The following ANKRD62 variants were observed in gnomAD, a reference collection of about 807,000 sequenced individuals.
The protein encoded by ANKRD62 is ankyrin repeat domain 62, also known as ankyrin repeat domain-containing protein 62.
Under a neutral mutation model 98.8 loss-of-function variants are expected in ANKRD62, and 61 were observed. That is an observed-to-expected ratio of 0.62 (90% CI 0.50 to 0.76). The LOEUF is 0.76. ANKRD62 is among the 30% of genes least tolerant of loss of function. The probability of loss-of-function intolerance (pLI) is 0.00; values close to 1 mark genes in which losing one functional copy is unlikely to be tolerated. For missense variants in ANKRD62, 933 were observed against 1,082.9 expected (o/e 0.86, Z 1.94); for synonymous variants, 341 against 367.9 (o/e 0.93, Z 0.84).
At chr18:12,174,960 T>G in the ANKRD62 span, among the ~76,000 whole-genome samples, 5 of 152,256 alleles carry the variant, frequency 3.3e-5, no homozygotes, top group Admixed American at 6.5e-5. Context: ...ACAGCAGGAT[T>G]CTCATTTGCA....
At chr18:12,107,041 C>T (rs1909428928) in intron 7 of ANKRD62, among the ~76,000 whole-genome samples, 2 of 151,932 alleles carry the variant, frequency 1.3e-5, no homozygotes, top group Admixed American at 1.3e-4. Flanking sequence ...AATAAAAGCA[C>T]AAATTTGGAA....
chr18:12,152,849 G>A, the ANKRD62 span, among the ~76,000 whole-genome samples: 559 of 152,276 alleles, frequency 3.7e-3, 3 homozygotes, highest in Middle Eastern at 0.014. Context: ...AGCCGAGATC[G>A]TGCCATTGCC....
At chr18:12,166,171 A>G in the ANKRD62 span, among the ~76,000 whole-genome samples, 15 of 152,116 alleles carry the variant, frequency 9.9e-5, no homozygotes, top group South Asian at 1.2e-3. Flanking sequence ...TTGGATGTTG[A>G]TATCTTTTCC....
At chr18:12,177,625 A>G in the ANKRD62 span, among the ~76,000 whole-genome samples, 5 of 151,922 alleles carry the variant, frequency 3.3e-5, no homozygotes, top group African/African-American at 1.2e-4. Flanking sequence ...GCTGTAGCCC[A>G]GCCATAGGCT....
the ANKRD62 span, among the ~76,000 whole-genome samples, chr18:12,138,488 G>A: frequency 1.3e-5 from 2 of 152,114 alleles, no homozygotes; most frequent in Admixed American, 1.3e-4. Context: ...TTTTGGAATA[G>A]GTGTGGTGTG....
At chr18:12,097,615 C>A in intron 4 of ANKRD62, 25 bp from the exon 5 acceptor site, 1 of 1,517,888 alleles carries the variant, frequency 6.6e-7, no homozygotes, top group East Asian at 2.5e-5. Flanking sequence ...AGTTCCTAAG[C>A]ATGAAATTAT....
the ANKRD62 span, among the ~76,000 whole-genome samples, chr18:12,150,325 TA>T: frequency 6.6e-6 from 1 of 152,182 alleles, no homozygotes; most frequent in Non-Finnish European, 1.5e-5. Context: ...CAAGTCTATT[TA>T]TCATTGGCAT....
At chr18:12,131,566 C>G (rs1411483500), downstream of ANKRD62, among the ~76,000 whole-genome samples, 2 of 152,122 alleles carry the variant, frequency 1.3e-5, no homozygotes, top group East Asian at 3.9e-4. Context: ...GAACTGTCAG[C>G]TTGCACGCTG....
chr18:12,124,449 T>G (rs1468282998), intron 12 of ANKRD62, 129 bp downstream of exon 12: 1 of 401,934 alleles, frequency 2.5e-6, no homozygotes, highest in Admixed American at 4.2e-5. Flanking sequence ...ATGATACTTA[T>G]AGCTACAATT....
chr18:12,117,360 G>A (rs113392697), intron 10 of ANKRD62, among the ~76,000 whole-genome samples: 1 of 152,234 alleles, frequency 6.6e-6, no homozygotes, highest in African/African-American at 2.4e-5. Flanking sequence ...ACAAAAAGCT[G>A]GCCCACAGGT....
intron 10 of ANKRD62, among the ~76,000 whole-genome samples, chr18:12,119,063 T>C (rs1909729154): frequency 6.6e-6 from 1 of 152,206 alleles, no homozygotes; most frequent in Non-Finnish European, 1.5e-5. Flanking sequence ...AAGTTTATTT[T>C]TTATATTTAG....
At chr18:12,124,902 A>C (rs187968638) in intron 12 of ANKRD62, among the ~76,000 whole-genome samples, 1 of 152,218 alleles carries the variant, frequency 6.6e-6, no homozygotes. Flanking sequence ...GTATGCATAC[A>C]AAAGTGCTTA....
the ANKRD62 span, among the ~76,000 whole-genome samples, chr18:12,169,783 G>A: frequency 2.3e-4 from 34 of 149,318 alleles, no homozygotes; most frequent in Admixed American, 1.1e-3. Context: ...TTGGTTGGTA[G>A]GCTATTATTG....
the ANKRD62 span, among the ~76,000 whole-genome samples, chr18:12,172,519 G>T: frequency 6.6e-6 from 1 of 152,190 alleles, no homozygotes; most frequent in African/African-American, 2.4e-5. Flanking sequence ...TGCCATATGA[G>T]GTGTCAGTCG....
At chr18:12,100,180 T>C (rs1909268797) in intron 6 of ANKRD62, among the ~76,000 whole-genome samples, 1 of 152,200 alleles carries the variant, frequency 6.6e-6, no homozygotes, top group African/African-American at 2.4e-5. Flanking sequence ...TCATGACTTA[T>C]TGTTGACTAG....
At chr18:12,179,628 A>G in the ANKRD62 span, among the ~76,000 whole-genome samples, 58,851 of 151,096 alleles carry the variant, frequency 0.39, 12,127 homozygotes, top group East Asian at 0.77. Flanking sequence ...GACCAAGCTA[A>G]CTGCTGCTGC....
intron 10 of ANKRD62, among the ~76,000 whole-genome samples, chr18:12,118,409 G>C (rs1447722531): frequency 6.6e-6 from 1 of 152,118 alleles, no homozygotes; most frequent in Non-Finnish European, 1.5e-5. Context: ...AGGAGTTCAA[G>C]ATCAGCCCGG....
At chr18:12,135,289 G>A in the ANKRD62 span, among the ~76,000 whole-genome samples, 5 of 146,828 alleles carry the variant, frequency 3.4e-5, no homozygotes, top group Middle Eastern at 3.6e-3. Context: ...GAGAACATGC[G>A]GTGTTTGGTT....
chr18:12,106,089 T>C (rs1909407557), intron 7 of ANKRD62, among the ~76,000 whole-genome samples: 1 of 152,206 alleles, frequency 6.6e-6, no homozygotes, highest in African/African-American at 2.4e-5. Flanking sequence ...AATTGATCCA[T>C]TTAACTCAAT....
Sources: allele counts gnomAD v4.1 joint callset (sites outside exome capture counted in the v4.1 genomes callset), GRCh38; gene constraint gnomAD v4.1.1; transcripts MANE v1.5; gene names NCBI Gene and HGNC (gene_info 2026-07-23, HGNC 2026-07-21).